OSBPL1A: variants seen among roughly 807,000 people sequenced by gnomAD.
OSBPL1A encodes the protein oxysterol binding protein like 1A.
OSBPL1A carries 80 observed loss-of-function variants against 137.1 expected under a neutral mutation model. The observed-to-expected ratio is 0.58, with a 90% confidence interval of 0.49 to 0.70. The LOEUF is 0.70. OSBPL1A is among the 30% of genes least tolerant of loss of function. OSBPL1A has a pLI of 0.00. For missense variants in OSBPL1A, 970 were observed against 1,129.4 expected (o/e 0.86, Z 2.02); for synonymous variants, 365 against 389.7 (o/e 0.94, Z 0.75).
At chr18:24,322,234 T>TG (rs2090876462) in intron 7 of OSBPL1A, among the ~76,000 whole-genome samples, 1 of 151,198 alleles carries the variant, frequency 6.6e-6, no homozygotes, top group Admixed American at 6.6e-5. Flanking sequence ...CTCAGCCTCC[T>TG]GAGTAGCTGG....
At chr18:24,283,771 T>G (rs1309450125) in intron 14 of OSBPL1A, among the ~76,000 whole-genome samples, 1 of 152,144 alleles carries the variant, frequency 6.6e-6, no homozygotes, top group African/African-American at 2.4e-5. Flanking sequence ...ATAGATATAG[T>G]TCTTTTATTA....
In OSBPL1A at chr18:24,292,977, G is replaced by A. The variant is rs901499307; in HGVS notation, c.1174+10660C>T. Among the ~76,000 whole-genome samples, 5 of 151,646 alleles carry A rather than the reference G, an allele frequency of 3.3e-5. No homozygotes were observed. In the East Asian group the frequency reaches 7.8e-4, roughly 24 times the overall value. On this transcript the variant is annotated intron_variant, in intron 14 of 27. Transcript: ENST00000319481. ...AAAAATTAGCCGGGTGTGGTGGCTCGCGCCTGTGGTCCCAGCTACTCAGGA... is the reference window on the plus strand; with the variant it reads ...AAAAATTAGCCGGGTGTGGTGGCTCACGCCTGTGGTCCCAGCTACTCAGGA...
rs2146057929 is a variant in OSBPL1A at position 24,271,299 on chromosome 18, T to A, written c.1281+9543A>T. Among the ~76,000 whole-genome samples the A allele has an allele frequency of 6.6e-6, 1 of 152,270 alleles. No homozygotes were observed. Among genetic ancestry groups the A allele is most frequent in the Middle Eastern group, 3.4e-3 (1 of 294 alleles). On this transcript the variant is annotated intron_variant, in intron 15 of 27. Transcript: ENST00000319481. The surrounding 1 kb of genome is among the most constrained non-coding windows in gnomAD (Gnocchi z 4.0). ...ATAATGTCTTTCACTGTCTTACTCCTCCCACTCCAGCCCTTCTTGACCTAA... is the reference window on the plus strand; with the variant it reads ...ATAATGTCTTTCACTGTCTTACTCCACCCACTCCAGCCCTTCTTGACCTAA...
At chr18:24,324,686 A>G (rs2146130555) in intron 7 of OSBPL1A, among the ~76,000 whole-genome samples, 1 of 144,622 alleles carries the variant, frequency 6.9e-6, no homozygotes, top group East Asian at 2.4e-4. Flanking sequence ...CAGGAGGCTG[A>G]GGTGGGAGCA....
Position 24,347,834 on chromosome 18 carries a change from TC to T in OSBPL1A, c.283-6177del, listed in dbSNP as rs1373116672. The T allele has an allele frequency of 1.1e-3, 93 of 81,368 alleles. No homozygotes were observed. The Middle Eastern group carries it at 0.044, about 39-fold the overall frequency. The allele number at this position is 81,368 out of a possible 1,614,324, so 5.0% of individuals were successfully genotyped here. On this transcript the variant is annotated intron_variant, in intron 4 of 27. Coordinates refer to ENST00000319481, the MANE Select transcript of OSBPL1A (RefSeq NM_080597.4). ...TCCATCCTGGCCAACAGAGCGACACTCCATCTGAAAAAAAAAAAAAAAAAAA... is the reference window on the plus strand; with the variant it reads ...TCCATCCTGGCCAACAGAGCGACACTCATCTGAAAAAAAAAAAAAAAAAAA...
chr18:24,358,767 G>A (rs527702508), intron 4 of OSBPL1A, among the ~76,000 whole-genome samples: 1 of 152,294 alleles, frequency 6.6e-6, no homozygotes, highest in Admixed American at 6.5e-5. Context: ...TAGAGACAGG[G>A]TCTTGCTCTG....
intron 1 of OSBPL1A, among the ~76,000 whole-genome samples, chr18:24,397,245 T>C (rs371078715): frequency 1.2e-4 from 19 of 152,300 alleles, no homozygotes; most frequent in African/African-American, 4.6e-4. Flanking sequence ...ACATGAACAA[T>C]GCGTGACTTC....
rs571003117 is a variant in OSBPL1A at position 24,349,338 on chromosome 18, G to A, written c.283-7680C>T. ...AAAAAAGTTTGAAAGACATGAAAAT[G>A]TGGAAGAAAACCTTTAAAAGAACTA... On this transcript the variant is annotated intron_variant, in intron 4 of 27. Transcript: ENST00000319481. Among the ~76,000 whole-genome samples, 6 of 152,242 alleles carry A rather than the reference G, an allele frequency of 3.9e-5. No homozygotes were observed. In the South Asian group the frequency reaches 1.2e-3, roughly 32 times the overall value.
At chr18:24,274,738 T>C (rs2089806418) in intron 15 of OSBPL1A, among the ~76,000 whole-genome samples, 1 of 151,936 alleles carries the variant, frequency 6.6e-6, no homozygotes, top group Non-Finnish European at 1.5e-5. Flanking sequence ...TGAAACCCCA[T>C]CTCTACTAAA....
intron 7 of OSBPL1A, among the ~76,000 whole-genome samples, chr18:24,326,128 T>G (rs1013499668): frequency 6.6e-6 from 1 of 152,176 alleles, no homozygotes; most frequent in African/African-American, 2.4e-5. Flanking sequence ...TACAGAATTG[T>G]TCTTATCACT....
At chr18:24,214,841 AAT>A (rs1381611704) in intron 17 of OSBPL1A, among the ~76,000 whole-genome samples, 2 of 152,228 alleles carry the variant, frequency 1.3e-5, no homozygotes, top group Non-Finnish European at 2.9e-5. Flanking sequence ...CCCTTCTGCA[AAT>A]ATGACTGTGT....
At position 24,317,348 on chromosome 18, in the gene OSBPL1A, A is replaced by C; in HGVS notation, c.785T>G (p.Val262Gly). ...TTACTGTTTCCTATACCATGAAAGG[A>C]CTCCATGCTCTAACACTACCCAGAA... is the stretch of plus-strand genomic sequence containing the variant. ...RLFWVVLEHG[V>G]LSWYRKQPDA... The change falls in exon 10 of 28, where the codon GTC becomes GGC. Residue 262 changes from valine to glycine, a missense_variant. Physicochemically the swap from Val to Gly is moderately radical, Grantham distance 109. Transcript: ENST00000319481. The C allele has an allele frequency of 6.2e-7, 1 of 1,613,724 alleles. No homozygotes were observed. The highest frequency in any genetic ancestry group is 8.5e-7 in the Non-Finnish European group (1 of 1,179,772).
At chr18:24,386,490 G>A (rs538599644) in intron 1 of OSBPL1A, among the ~76,000 whole-genome samples, 9 of 152,314 alleles carry the variant, frequency 5.9e-5, no homozygotes, top group African/African-American at 2.2e-4. Flanking sequence ...AAGATTTTCT[G>A]ACTATGAAAC....
intron 1 of OSBPL1A, among the ~76,000 whole-genome samples, chr18:24,381,999 C>T (rs900988972): frequency 2.0e-5 from 3 of 150,958 alleles, no homozygotes; most frequent in South Asian, 2.1e-4. Context: ...ATTAAAGATC[C>T]GTCAATAAAG....
chr18:24,195,798 T>C lies in OSBPL1A; in HGVS notation c.1677+327A>G, dbSNP rs78123234. On this transcript the variant is annotated intron_variant, in intron 18 of 27. Transcript: ENST00000319481. Reference sequence around the variant, plus strand: ...GTGCACAGAAGTGTAAGTGAAATTCTGTTCTCCACTGTGGGGTTGTCTGTT... The same window carrying C: ...GTGCACAGAAGTGTAAGTGAAATTCCGTTCTCCACTGTGGGGTTGTCTGTT... Among the ~76,000 whole-genome samples, 1,280 of 152,330 alleles carry C rather than the reference T, an allele frequency of 8.4e-3. 14 individuals are homozygous for C. The highest frequency in any genetic ancestry group is 0.03 in the African/African-American group (1,234 of 41,576).
intron 7 of OSBPL1A, among the ~76,000 whole-genome samples, chr18:24,322,127 T>TTTTG (rs2090872541): frequency 7.6e-6 from 1 of 132,378 alleles, no homozygotes; most frequent in Non-Finnish European, 1.7e-5. Context: ...TTTTTTTTTT[T>TTTTG]GAGACAGAGT....
chr18:24,388,756 C>T lies in OSBPL1A; in HGVS notation c.-3+8899G>A, dbSNP rs545992823. Among the ~76,000 whole-genome samples the T allele has an allele frequency of 9.7e-5, 14 of 144,276 alleles. No individual in the cohort carries two copies. In the South Asian group the frequency reaches 1.8e-3, roughly 18 times the overall value. 94.7% of individuals were successfully genotyped at this position (144,276 alleles called of 152,430 possible). ...TGGAGGCTGCAGTGAGCCAAGATCG[C>T]GCCACTGCACTTCAGTCTGGGCGAC... On this transcript the variant is annotated intron_variant, in intron 1 of 27. Transcript: ENST00000319481.
At chr18:24,323,544 T>C (rs1319997665) in intron 7 of OSBPL1A, among the ~76,000 whole-genome samples, 1 of 55,662 alleles carries the variant, frequency 1.8e-5, no homozygotes, top group East Asian at 2.5e-4. Context: ...TTTTTCTTTT[T>C]TTTTTTTTTT....
chr18:24,273,783 C>G (rs751628284), intron 15 of OSBPL1A, among the ~76,000 whole-genome samples: 1 of 152,130 alleles, frequency 6.6e-6, no homozygotes, highest in Non-Finnish European at 1.5e-5. Context: ...AGCAGGGACA[C>G]CTCACCTAGT....
Sources: gnomAD v4.1 joint callset for allele counts (sites outside exome capture counted in the v4.1 genomes callset) on GRCh38, gnomAD v4.1.1 for gene constraint, Gnocchi (gnomAD v3.1) non-coding constraint, MANE v1.5 for transcripts, NCBI Gene and HGNC (gene_info 2026-07-23, HGNC 2026-07-21) for gene names.